The following NSD2 variants were observed in gnomAD, a reference collection of about 807,000 sequenced individuals.
The protein encoded by NSD2 is histone-lysine N-methyltransferase NSD2.
NSD2 carries 12 observed loss-of-function variants against 139.0 expected under a neutral mutation model. That is an observed-to-expected ratio of 0.09 (90% confidence interval 0.06 to 0.14). The LOEUF is 0.14. NSD2 is among the 10% of genes least tolerant of loss of function. NSD2 has a pLI of 1.00. For missense variants in NSD2, 1,155 were observed against 1,745.0 expected, an observed-to-expected ratio of 0.66 and a Z score of 6.02; for synonymous variants, 669 against 648.7, an observed-to-expected ratio of 1.03 and a Z score of -0.48.
rs575686817 is a variant in NSD2 at position 1,945,996 on chromosome 4, T to TGAGA, written c.1882-5074_1882-5071dup. 1.4e-3 allele frequency: 1,441 copies of TGAGA among 1,046,616 alleles called. 1 individual carries two copies. Among genetic ancestry groups the TGAGA allele is most frequent in the Non-Finnish European group, 1.6e-3 (1,350 of 867,496 alleles). The allele number at this position is 1,046,616 out of a possible 1,614,324, so 64.8% of individuals were successfully genotyped here. ...GGTAGACTTTTGTATACAGACCAGG[T>TGAGA]GAGAGCCCTTTTGCCTTAGTGTGAA... On this transcript the variant is annotated intron_variant, in intron 9 of 21. Coordinates refer to ENST00000508803, the MANE Select transcript of NSD2 (RefSeq NM_001042424.3).
chr4:1,931,072 A>C (rs1205829000), intron 6 of NSD2, among the ~76,000 whole-genome samples: 9 of 152,128 alleles, frequency 5.9e-5, no homozygotes, highest in Admixed American at 5.9e-4. Context: ...AAGAGAGGAC[A>C]CAAGAAGGAA....
intron 3 of NSD2, 66 bp downstream of exon 3, chr4:1,904,444 C>G: frequency 6.6e-7 from 1 of 1,508,308 alleles, no homozygotes; most frequent in South Asian, 1.3e-5. Context: ...CATCTCCAGG[C>G]TTCTTTCTTA....
chr4:1,907,767 C>G (rs1469465112), intron 3 of NSD2, among the ~76,000 whole-genome samples: 1 of 152,028 alleles, frequency 6.6e-6, no homozygotes, highest in Non-Finnish European at 1.5e-5. Context: ...TGCACGCCAC[C>G]ACACCCAGCT....
intron 18 of NSD2, among the ~76,000 whole-genome samples, chr4:1,971,073 G>A (rs73202835): frequency 6.6e-6 from 1 of 152,302 alleles, no homozygotes; most frequent in African/African-American, 2.4e-5. Flanking sequence ...TAAAATTGTG[G>A]GCAGGCCGGG....
chr4:1,926,308 C>T (rs1720908952), intron 5 of NSD2, among the ~76,000 whole-genome samples: 2 of 151,872 alleles, frequency 1.3e-5, no homozygotes, highest in African/African-American at 4.8e-5. Flanking sequence ...GTGCCCACCA[C>T]CACGCCCAGC....
rs767099837 is a variant in NSD2 at position 1,904,180 on chromosome 4, A to T, written c.598-36A>T. 1.7e-5 allele frequency: 28 copies of T among 1,600,454 alleles called. No individual in the cohort carries two copies. The Admixed American group carries it at 4.7e-4, about 27-fold the overall frequency. On this transcript the variant is annotated intron_variant, in intron 2 of 21. Transcript: ENST00000508803. ...TTCTGGATACACAGGTAGTGATTGG[A>T]TGTGTTAGTGTTTGTCTTCTGTTGT...
chr4:1,951,551 C>T (rs1724271617), intron 10 of NSD2, among the ~76,000 whole-genome samples: 1 of 148,560 alleles, frequency 6.7e-6, no homozygotes, highest in Non-Finnish European at 1.5e-5. Context: ...AGGTGAGGTG[C>T]TAGGCCTGTT....
chr4:1,942,025 C>T lies in NSD2; in HGVS notation c.1881+2247C>T. Reference sequence around the variant, plus strand: ...CACCCATTGGGTCACACCCCCTTTGCATGTTTGTATTTCCTCCCTTTCATC... The same window carrying T: ...CACCCATTGGGTCACACCCCCTTTGTATGTTTGTATTTCCTCCCTTTCATC... On this transcript the variant is annotated intron_variant, in intron 9 of 21. Transcript: ENST00000508803. The surrounding 1 kb of genome is among the most constrained non-coding windows in gnomAD (Gnocchi z 4.0). 1 of 1,151,398 alleles carries T rather than the reference C, an allele frequency of 8.7e-7. No individual in the cohort carries two copies. Among genetic ancestry groups the T allele is most frequent in the South Asian group, 2.7e-5 (1 of 36,582 alleles). 71.3% of individuals were successfully genotyped at this position (1,151,398 alleles called of 1,614,324 possible).
chr4:1,959,852 A>G (rs1725192062), intron 17 of NSD2, 112 bp downstream of exon 17: 3 of 1,431,118 alleles, frequency 2.1e-6, no homozygotes, highest in Non-Finnish European at 2.8e-6. Context: ...TATTTTTTGG[A>G]AAAAAAATTT....
chr4:1,892,112 G>GGT, intron 1 of NSD2: 1 of 152,148 alleles, frequency 6.6e-6, no homozygotes, highest in African/African-American at 2.4e-5. Context: ...GGAGAACTTG[G>GGT]GTGGGACTCA....
Position 1,880,464 on chromosome 4 carries a change from T to C in NSD2, c.-30+8922T>C, listed in dbSNP as rs117716955. Among the ~76,000 whole-genome samples, 182 of 152,332 alleles carry C rather than the reference T, an allele frequency of 1.2e-3. 1 individual carries two copies. The East Asian group carries it at 0.023, about 19-fold the overall frequency. On this transcript the variant is annotated intron_variant, in intron 1 of 21. Coordinates refer to ENST00000508803, the MANE Select transcript of NSD2 (RefSeq NM_001042424.3). ...GCAGTGTACTTCTGCCTGATATTTC[T>C]TCATTCATTGAGTATCAGTTGTGTG...
chr4:1,905,292 T>A (rs1386663128), intron 3 of NSD2, among the ~76,000 whole-genome samples: 2 of 152,248 alleles, frequency 1.3e-5, no homozygotes, highest in Admixed American at 6.5e-5. Context: ...CAAGTTGCGA[T>A]GTGGCGAGTG....
chr4:1,952,684 G>A (rs553238589), intron 11 of NSD2: 901 of 1,057,400 alleles, frequency 8.5e-4, no homozygotes, highest in Non-Finnish European at 9.7e-4. Context: ...AGTTTCAACA[G>A]AAAGAACAGC....
chr4:1,975,074 G>A lies in NSD2; in HGVS notation c.3514+70G>A, dbSNP rs1306013065. Reference sequence around the variant, plus strand: ...CAGAGTGGCCATCGCTGAGGGCTGCGTGGGGCTGGACTGGAAAGGCTCTGG... The same window carrying A: ...CAGAGTGGCCATCGCTGAGGGCTGCATGGGGCTGGACTGGAAAGGCTCTGG... On this transcript the variant is annotated intron_variant, in intron 19 of 21. Coordinates refer to ENST00000508803, the MANE Select transcript of NSD2 (RefSeq NM_001042424.3). 20 of 1,605,350 alleles carry A rather than the reference G, an allele frequency of 1.2e-5. No homozygotes were observed. The Middle Eastern group carries it at 7.2e-4, about 58-fold the overall frequency.
At chr4:1,978,354 T>C (rs1353579858) in intron 21 of NSD2, among the ~76,000 whole-genome samples, 1 of 152,044 alleles carries the variant, frequency 6.6e-6, no homozygotes, top group Non-Finnish European at 1.5e-5. Context: ...CACGCCGCGC[T>C]GGGGGACACT....
At position 1,982,143 on chromosome 4, in the gene NSD2, G is replaced by A; in HGVS notation, c.*3234G>A. 1 of 393,732 alleles carries A rather than the reference G, an allele frequency of 2.5e-6. No individual in the cohort carries two copies. Among genetic ancestry groups the A allele is most frequent in the Non-Finnish European group, 4.5e-6 (1 of 223,570 alleles). 24.4% of individuals were successfully genotyped at this position (393,732 alleles called of 1,614,324 possible). On this transcript the variant is annotated 3_prime_UTR_variant, in exon 22 of 22. Transcript: ENST00000508803. ...AATAGCATTTAAAATGGAAAGCTGT[G>A]TTTGGAAAATTGTGTATGAGTATTT...
intron 4 of NSD2, among the ~76,000 whole-genome samples, chr4:1,917,795 T>G (rs1292311289): frequency 6.6e-6 from 1 of 151,204 alleles, no homozygotes. Flanking sequence ...TTTTTTTTTT[T>G]TTTGAGACAG....
At chr4:1,962,256 A>G (rs1367761420) in intron 18 of NSD2, among the ~76,000 whole-genome samples, 1 of 152,234 alleles carries the variant, frequency 6.6e-6, no homozygotes, top group Non-Finnish European at 1.5e-5. Flanking sequence ...AGTCAGTGTC[A>G]TGAAGGACAA....
chr4:1,872,588 G>GTGTGTGTT, intron 1 of NSD2, among the ~76,000 whole-genome samples: 1 of 87,424 alleles, frequency 1.1e-5, no homozygotes, highest in Admixed American at 1.2e-4. Flanking sequence ...GTGTGTGTGT[G>GTGTGTGTT]TGTGAGAGAG....
Sources: allele counts gnomAD v4.1 joint callset (sites outside exome capture counted in the v4.1 genomes callset), GRCh38; gene constraint gnomAD v4.1.1; non-coding constraint Gnocchi (gnomAD v3.1); transcripts MANE v1.5; gene names NCBI Gene and HGNC (gene_info 2026-07-23, HGNC 2026-07-21).